TPMT: variants seen among roughly 807,000 people sequenced by gnomAD.
The protein encoded by TPMT is S-adenosyl-L-methionine:thiopurine S-methyltransferase.
A neutral mutation model predicts 34.2 loss-of-function variants in TPMT; 18 were observed. That is an observed-to-expected ratio of 0.53 (90% CI 0.36 to 0.78). The LOEUF (loss-of-function observed/expected upper bound fraction) is 0.78. TPMT is among the 30% of genes least tolerant of loss of function. The pLI, the probability that TPMT is intolerant of heterozygous loss-of-function variation, is 0.00. For synonymous variants in TPMT, 69 were observed against 92.4 expected (o/e 0.75, Z 1.45); for missense variants, 265 against 288.1 (o/e 0.92, Z 0.58).
In TPMT at chr6:18,132,138, A is replaced by C. The variant is rs761626260; in HGVS notation, c.620T>G (p.Leu207Trp). 10 of 1,614,070 alleles carry C rather than the reference A, an allele frequency of 6.2e-6. No homozygotes were observed. The highest frequency in any genetic ancestry group is 8.5e-6 in the Non-Finnish European group (10 of 1,180,006). Residue 207 changes from leucine to tryptophan, a missense_variant, in exon 8 of 9, where the codon TTG becomes TGG. By Grantham distance (61) the Leu-to-Trp change is moderately conservative. Transcript: ENST00000309983. The surrounding 1 kb of genome is among the most constrained non-coding windows in gnomAD (Gnocchi z 4.8). ...GCATAAGTCCACAAACTTACCAAAC[A>C]ACCTTTCAATTTCAGCATGTGGAAC... The part of the protein sequence containing the change: ...FYVPHAEIER[L>W]FGKICNIRCL...
At position 18,129,528 on chromosome 6, in the gene TPMT, A is replaced by C. The variant is rs577101187; in HGVS notation, c.*1140T>G. ...ATGAGCTAAACAATCTAAACCATTT[A>C]GTTGTTGGGTAGTACAGAGTTATAG... On this transcript the variant is annotated 3_prime_UTR_variant, in exon 9 of 9. Transcript: ENST00000309983. 2.0e-5 allele frequency: 3 copies of C among 152,346 alleles called. No individual in the cohort carries two copies. The highest frequency in any genetic ancestry group is 2.1e-4 in the South Asian group (1 of 4,830). The allele number at this position is 152,346 out of a possible 1,614,324, so 9.4% of individuals were successfully genotyped here.
chr6:18,134,088 G>A (rs1416959723), intron 6 of TPMT, among the ~76,000 whole-genome samples, 199 bp from the exon 7 acceptor site: 1 of 152,248 alleles, frequency 6.6e-6, no homozygotes, highest in Non-Finnish European at 1.5e-5. Flanking sequence ...CCTAAGCTGG[G>A]AATTGGTCCA....
rs1286416733 is a variant in TPMT, at chr6:18,129,292, G to A, written c.*1376C>T. 6.6e-6 allele frequency: 1 copy of A among 152,186 alleles called. No homozygotes were observed. Among genetic ancestry groups the A allele is most frequent in the Non-Finnish European group, 1.5e-5 (1 of 68,042 alleles). 9.4% of individuals were successfully genotyped at this position (152,186 alleles called of 1,614,324 possible). ...AATCTATTAGAATACATCGATGGCA[G>A]AGAGCTTCTAGGGTAGAAGTTTGTA... On this transcript the variant is annotated 3_prime_UTR_variant, in exon 9 of 9. Coordinates refer to ENST00000309983, the MANE Select transcript of TPMT (RefSeq NM_000367.5).
rs1055845074 is a variant in TPMT, at chr6:18,136,605, C to T, written c.494+2358G>A. Among the ~76,000 whole-genome samples, 2 of 152,096 alleles carry T rather than the reference C, an allele frequency of 1.3e-5. No homozygotes were observed. Among genetic ancestry groups the T allele is most frequent in the African/African-American group, 4.8e-5 (2 of 41,412 alleles). ...GGTGGATCAGCTGGGGTCCGGAGTT[C>T]GAGACCAGCCTGACCAACATGGAGA... is the stretch of plus-strand genomic sequence containing the variant. On this transcript the variant is annotated intron_variant, in intron 6 of 8. Coordinates refer to ENST00000309983, the MANE Select transcript of TPMT (RefSeq NM_000367.5). This position sits in a 1 kb window ranked among gnomAD's most constrained non-coding sequence, Gnocchi z 4.7.
chr6:18,137,973 T>C (rs1253028073), intron 6 of TPMT, among the ~76,000 whole-genome samples: 5 of 152,136 alleles, frequency 3.3e-5, no homozygotes, highest in East Asian at 3.9e-4. Context: ...AGAGATGGGG[T>C]TTCACCATGT....
In TPMT at chr6:18,149,242, C is replaced by T. The variant is rs1784306907; in HGVS notation, c.-44-71G>A. ...TTCTATTGATGAACTAAATGAAAAC[C>T]TATTATTCTTAGCAGTATGACTTTT... On this transcript the variant is annotated intron_variant, in intron 1 of 8. Transcript: ENST00000309983. This position sits in a 1 kb window ranked among gnomAD's most constrained non-coding sequence, Gnocchi z 5.0. 2.3e-6 allele frequency: 3 copies of T among 1,315,504 alleles called. No individual in the cohort carries two copies. Among genetic ancestry groups the T allele is most frequent in the Admixed American group, 3.5e-5 (2 of 57,590 alleles). 81.5% of individuals were successfully genotyped at this position (1,315,504 alleles called of 1,614,324 possible).
At position 18,131,873 on chromosome 6, in the gene TPMT, G is replaced by A. The variant is rs1463786451; in HGVS notation, c.625+260C>T. Among the ~76,000 whole-genome samples, 1 of 152,076 alleles carries A rather than the reference G, an allele frequency of 6.6e-6. No homozygotes were observed. Among genetic ancestry groups the A allele is most frequent in the Non-Finnish European group, 1.5e-5 (1 of 68,022 alleles). On this transcript the variant is annotated intron_variant, in intron 8 of 8. Coordinates refer to ENST00000309983, the MANE Select transcript of TPMT (RefSeq NM_000367.5). The surrounding 1 kb of genome is among the most constrained non-coding windows in gnomAD (Gnocchi z 4.3). ...GCTCACTACACTCTCTGCCTCCCAG[G>A]TTCAAGCAATTCCCATGCCTCAGCC...
chr6:18,130,882 T>A lies in TPMT; in HGVS notation c.626-102A>T. 4.5e-6 allele frequency: 4 copies of A among 890,598 alleles called. No homozygotes were observed. The highest frequency in any genetic ancestry group is 7.3e-6 in the Non-Finnish European group (4 of 547,596). The allele number at this position is 890,598 out of a possible 1,614,324, so 55.2% of individuals were successfully genotyped here. A position where few individuals can be genotyped will look rare whatever the true frequency, so the allele number is the denominator to read the frequency against. ...GGCTGGGTGCGGTGGCTCACACCTG[T>A]AATCCCAACACTTTGGGAGGCCGAG... On this transcript the variant is annotated intron_variant, in intron 8 of 8. Coordinates refer to ENST00000309983, the MANE Select transcript of TPMT (RefSeq NM_000367.5). This position sits in a 1 kb window ranked among gnomAD's most constrained non-coding sequence, Gnocchi z 4.2.
intron 1 of TPMT, among the ~76,000 whole-genome samples, chr6:18,151,577 T>TTGATTG (rs542829023): frequency 1.2e-3 from 64 of 54,318 alleles, no homozygotes; most frequent in African/African-American, 3.0e-3. Flanking sequence ...AACCTAGATT[T>TTGATTG]ATTTATTTAT....
Position 18,149,548 on chromosome 6 carries a change from C to A in TPMT, c.-44-377G>T, listed in dbSNP as rs1040835339. ...CCTGGCTTACTGCAAGCTTCAACCT[C>A]CTGGGCTCAAGCGATCCTCCCATTT... On this transcript the variant is annotated intron_variant, in intron 1 of 8. Transcript: ENST00000309983. This position sits in a 1 kb window ranked among gnomAD's most constrained non-coding sequence, Gnocchi z 5.0. 1.4e-4 allele frequency among the ~76,000 whole-genome samples: 22 copies of A among 152,054 alleles called. No homozygotes were observed. Among genetic ancestry groups the A allele is most frequent in the African/African-American group, 5.3e-4 (22 of 41,460 alleles).
rs914325161 is a variant in TPMT, at chr6:18,136,364, C to A, written c.495-2475G>T. On this transcript the variant is annotated intron_variant, in intron 6 of 8. Coordinates refer to ENST00000309983, the MANE Select transcript of TPMT (RefSeq NM_000367.5). This position sits in a 1 kb window ranked among gnomAD's most constrained non-coding sequence, Gnocchi z 4.7. ...TGGATGTTTGGGAGAAAGAACAGAG[C>A]TGGAAATGTAAAGACTGTCAGAGCG... Among the ~76,000 whole-genome samples, 12 of 151,904 alleles carry A rather than the reference C, an allele frequency of 7.9e-5. No homozygotes were observed. The highest frequency in any genetic ancestry group is 1.5e-5 in the Non-Finnish European group (1 of 67,998).
At position 18,143,505 on chromosome 6, in the gene TPMT, C is replaced by G; in HGVS notation, c.366+91G>C. 3.3e-6 allele frequency: 5 copies of G among 1,527,642 alleles called. No individual in the cohort carries two copies. The highest frequency in any genetic ancestry group is 4.5e-6 in the Non-Finnish European group (5 of 1,107,854). 94.6% of individuals were successfully genotyped at this position (1,527,642 alleles called of 1,614,324 possible). ...AATCTGCGTGCTAAATAGGAACCATCGGACACATGAATGGTATCCTCATAA... is the reference window on the plus strand; with the variant it reads ...AATCTGCGTGCTAAATAGGAACCATGGGACACATGAATGGTATCCTCATAA... On this transcript the variant is annotated intron_variant, in intron 4 of 8. Transcript: ENST00000309983. The surrounding 1 kb of genome is among the most constrained non-coding windows in gnomAD (Gnocchi z 6.1).
chr6:18,132,415 T>C lies in TPMT; in HGVS notation c.581-238A>G, dbSNP rs1783963887. Among the ~76,000 whole-genome samples the C allele has an allele frequency of 6.6e-6, 1 of 152,214 alleles. No homozygotes were observed. The highest frequency in any genetic ancestry group is 1.5e-5 in the Non-Finnish European group (1 of 68,040). On this transcript the variant is annotated intron_variant, in intron 7 of 8. Transcript: ENST00000309983. This position sits in a 1 kb window ranked among gnomAD's most constrained non-coding sequence, Gnocchi z 4.8. ...AAACCGGTCAAGGGACTTAGGCTCA[T>C]TGAAATCAGAGTGGATTCCATCAGC... is the stretch of plus-strand genomic sequence containing the variant.
intron 7 of TPMT, 97 bp downstream of exon 7, chr6:18,133,697 TTCCTATGAGA>T (rs1783987803): frequency 4.8e-6 from 4 of 833,688 alleles, no homozygotes; most frequent in Admixed American, 2.5e-5. Context: ...TGCAGTATGC[TTCCTATGAGA>T]TAAATTAGGA....
At position 18,132,054 on chromosome 6, in the gene TPMT, G is replaced by A. The variant is rs1783955448; in HGVS notation, c.625+79C>T. ...GGCCTCCCAAAGTGCTGGAAATACAGGCATGAGCCAGCACGCCAGGCCCAA... is the reference window on the plus strand; with the variant it reads ...GGCCTCCCAAAGTGCTGGAAATACAAGCATGAGCCAGCACGCCAGGCCCAA... On this transcript the variant is annotated intron_variant, in intron 8 of 8. Coordinates refer to ENST00000309983, the MANE Select transcript of TPMT (RefSeq NM_000367.5). The surrounding 1 kb of genome is among the most constrained non-coding windows in gnomAD (Gnocchi z 4.8). 6.7e-7 allele frequency: 1 copy of A among 1,497,772 alleles called. No individual in the cohort carries two copies. Among genetic ancestry groups the A allele is most frequent in the African/African-American group, 1.4e-5 (1 of 72,554 alleles). The allele number at this position is 1,497,772 out of a possible 1,614,324, so 92.8% of individuals were successfully genotyped here. A position where few individuals can be genotyped will look rare whatever the true frequency, so the allele number is the denominator to read the frequency against.
Position 18,143,806 on chromosome 6 carries a change from A to G in TPMT, c.234-78T>C, listed in dbSNP as rs1784197222. 6.5e-7 allele frequency: 1 copy of G among 1,540,142 alleles called. No homozygotes were observed. The highest frequency in any genetic ancestry group is 8.8e-7 in the Non-Finnish European group (1 of 1,133,030). ...GAGGGTTATATTAGAGTAAGCATAT[A>G]TTTTCTTTAATTTAGAGGAATTTAT... On this transcript the variant is annotated intron_variant, in intron 3 of 8. Transcript: ENST00000309983. The surrounding 1 kb of genome is among the most constrained non-coding windows in gnomAD (Gnocchi z 6.1).
Position 18,143,789 on chromosome 6 carries a change from T to C in TPMT, c.234-61A>G. The C allele has an allele frequency of 6.3e-7, 1 of 1,590,460 alleles. No individual in the cohort carries two copies. On this transcript the variant is annotated intron_variant, in intron 3 of 8. Transcript: ENST00000309983. The surrounding 1 kb of genome is among the most constrained non-coding windows in gnomAD (Gnocchi z 6.1). ...TTTCAAATGACTAAATAGAGGGTTA[T>C]ATTAGAGTAAGCATATATTTTCTTT...
rs1343819129 is a variant in TPMT, at chr6:18,154,828, T to G, written c.-45+205A>C. The stretch of plus-strand genomic sequence containing the variant: ...ACACACCAGTGCTTTGGAAGCACTT[T>G]AAATCCTGGACATTGGATTCAGGTC... On this transcript the variant is annotated intron_variant, in intron 1 of 8. Coordinates refer to ENST00000309983, the MANE Select transcript of TPMT (RefSeq NM_000367.5). The surrounding 1 kb of genome is among the most constrained non-coding windows in gnomAD (Gnocchi z 4.2). Among the ~76,000 whole-genome samples the G allele has an allele frequency of 6.6e-6, 1 of 152,216 alleles. No homozygotes were observed. Among genetic ancestry groups the G allele is most frequent in the East Asian group, 1.9e-4 (1 of 5,196 alleles).
In TPMT at chr6:18,149,876, A is replaced by G. The variant is rs1784320598; in HGVS notation, c.-44-705T>C. 6.6e-6 allele frequency among the ~76,000 whole-genome samples: 1 copy of G among 152,174 alleles called. No individual in the cohort carries two copies. The highest frequency in any genetic ancestry group is 2.4e-5 in the African/African-American group (1 of 41,426). On this transcript the variant is annotated intron_variant, in intron 1 of 8. Transcript: ENST00000309983. The surrounding 1 kb of genome is among the most constrained non-coding windows in gnomAD (Gnocchi z 5.0). ...GAGATCATTAAATAAACTGAATTCT[A>G]TCTTAATATTAGTGTTTCCTCTGCT...
Sources: gnomAD v4.1 joint callset for allele counts (sites outside exome capture counted in the v4.1 genomes callset) on GRCh38, gnomAD v4.1.1 for gene constraint, Gnocchi (gnomAD v3.1) non-coding constraint, MANE v1.5 for transcripts, NCBI Gene and HGNC (gene_info 2026-07-23, HGNC 2026-07-21) for gene names.